The following TAOK1 variants were observed in gnomAD, a reference collection of about 807,000 sequenced individuals.
TAOK1 encodes serine/threonine-protein kinase TAO1.
A neutral mutation model predicts 138.3 loss-of-function variants in TAOK1; 21 were observed. That is an observed-to-expected ratio of 0.15 (90% CI 0.11 to 0.22). TAOK1 has a LOEUF of 0.22. TAOK1 is among the 10% of genes least tolerant of loss of function. The pLI is 1.00. For synonymous variants in TAOK1, 361 were observed against 398.4 expected, an observed-to-expected ratio of 0.91 and a Z score of 1.12; for missense variants, 651 against 1,227.7, an observed-to-expected ratio of 0.53 and a Z score of 7.02.
chr17:29,469,985 T>C (rs931365754), intron 3 of TAOK1, among the ~76,000 whole-genome samples: 1 of 152,234 alleles, frequency 6.6e-6, no homozygotes, highest in South Asian at 2.1e-4. Context: ...ATAGGAGGTA[T>C]ATGATCTTAA....
intron 19 of TAOK1, among the ~76,000 whole-genome samples, chr17:29,535,783 A>C (rs896903898): frequency 6.6e-6 from 1 of 152,052 alleles, no homozygotes; most frequent in African/African-American, 2.4e-5. Flanking sequence ...TGAGCCCAGG[A>C]GGTTGAGGCT....
At chr17:29,407,947 C>T (rs1429968406) in intron 1 of TAOK1, among the ~76,000 whole-genome samples, 2 of 152,106 alleles carry the variant, frequency 1.3e-5, no homozygotes, top group Non-Finnish European at 1.5e-5. Flanking sequence ...GCTGCAGCCT[C>T]GAACTCTTGG....
At chr17:29,399,385 G>T (rs1471169855) in intron 1 of TAOK1, among the ~76,000 whole-genome samples, 1 of 151,682 alleles carries the variant, frequency 6.6e-6, no homozygotes, top group African/African-American at 2.4e-5. Flanking sequence ...GCACAATCTC[G>T]GCTCGCTGCA....
At chr17:29,462,272 A>C (rs1005877919) in intron 2 of TAOK1, among the ~76,000 whole-genome samples, 4 of 152,226 alleles carry the variant, frequency 2.6e-5, no homozygotes, top group African/African-American at 9.6e-5. Context: ...TACCGTAGTG[A>C]GTATTTGAAA....
intron 1 of TAOK1, among the ~76,000 whole-genome samples, chr17:29,395,445 C>A (rs1598461687): frequency 1.3e-5 from 2 of 152,278 alleles, no homozygotes; most frequent in African/African-American, 4.8e-5. Flanking sequence ...GCAGGAGAAT[C>A]ACTTGAACCC....
At chr17:29,510,329 C>G (rs2031699072) in intron 14 of TAOK1, among the ~76,000 whole-genome samples, 1 of 152,026 alleles carries the variant, frequency 6.6e-6, no homozygotes. Context: ...GTGAGCCGAG[C>G]TCGTGCCACT....
chr17:29,503,270 C>A (rs1356739227), intron 13 of TAOK1, among the ~76,000 whole-genome samples: 1 of 151,824 alleles, frequency 6.6e-6, no homozygotes, highest in Non-Finnish European at 1.5e-5. Flanking sequence ...GTGGCAGGAG[C>A]CTGTAGTCCC....
chr17:29,500,730 ACTCTGT>A (rs2031507317), intron 12 of TAOK1, among the ~76,000 whole-genome samples: 1 of 149,166 alleles, frequency 6.7e-6, no homozygotes. Context: ...ACAGAATGAG[ACTCTGT>A]CTCAAAAAAA....
intron 12 of TAOK1, among the ~76,000 whole-genome samples, chr17:29,501,998 C>G (rs2031539475): frequency 6.6e-6 from 1 of 152,160 alleles, no homozygotes; most frequent in South Asian, 2.1e-4. Flanking sequence ...TGAGTGTTTA[C>G]CACTGCACTC....
chr17:29,441,401 C>T (rs1243195605), intron 1 of TAOK1, among the ~76,000 whole-genome samples: 1 of 152,118 alleles, frequency 6.6e-6, no homozygotes. Context: ...TTTCCTCTGA[C>T]AGTTTTCTGA....
intron 1 of TAOK1, among the ~76,000 whole-genome samples, chr17:29,442,607 T>G (rs2029974804): frequency 6.6e-6 from 1 of 152,216 alleles, no homozygotes; most frequent in Non-Finnish European, 1.5e-5. Context: ...TCTTCTTGAC[T>G]GTAATGTAAA....
At chr17:29,516,192 C>G (rs2031811245) in intron 15 of TAOK1, among the ~76,000 whole-genome samples, 2 of 152,042 alleles carry the variant, frequency 1.3e-5, no homozygotes, top group Non-Finnish European at 2.9e-5. Context: ...CGCTCCCAAC[C>G]TCAGGTGATC....
chr17:29,482,158 T>A lies in TAOK1; in HGVS notation c.564-39T>A, dbSNP rs76881935. ...CATTCTCAAAGGATAGAATACTTTT[T>A]AAAAAAAATCTTTAATTTAAATTAA... On this transcript the variant is annotated intron_variant, in intron 7 of 19. Transcript: ENST00000261716. 6.9e-3 allele frequency: 10,301 copies of A among 1,486,580 alleles called. 607 individuals are homozygous for A. The African/African-American group carries it at 0.13, about 18-fold the overall frequency. The allele number at this position is 1,486,580 out of a possible 1,614,324, so 92.1% of individuals were successfully genotyped here.
At chr17:29,438,536 G>T (rs947193981) in intron 1 of TAOK1, among the ~76,000 whole-genome samples, 2 of 152,140 alleles carry the variant, frequency 1.3e-5, no homozygotes, top group African/African-American at 4.8e-5. Flanking sequence ...ACAAAAATCA[G>T]TTGGGCGTGG....
intron 1 of TAOK1, chr17:29,403,957 TA>T (rs1380273357): frequency 6.6e-6 from 1 of 152,188 alleles, no homozygotes; most frequent in African/African-American, 2.4e-5. Context: ...ATGGAGTAAT[TA>T]AAAGATCATT....
At chr17:29,403,069 G>C (rs1904895245) in intron 1 of TAOK1, among the ~76,000 whole-genome samples, 1 of 147,102 alleles carries the variant, frequency 6.8e-6, no homozygotes, top group Non-Finnish European at 1.5e-5. Flanking sequence ...CCTGAGGCAG[G>C]AGAACTGCTT....
intron 15 of TAOK1, among the ~76,000 whole-genome samples, chr17:29,515,638 A>C (rs1024548949): frequency 1.3e-5 from 2 of 152,084 alleles, no homozygotes; most frequent in African/African-American, 2.4e-5. Flanking sequence ...GATCGAGACC[A>C]TACTGGCTAA....
chr17:29,547,124 T>C lies in TAOK1; in HGVS notation c.*4102T>C, dbSNP rs1242302213. On this transcript the variant is annotated 3_prime_UTR_variant, in exon 20 of 20. Coordinates refer to ENST00000261716, the MANE Select transcript of TAOK1 (RefSeq NM_020791.4). ...ACTGATGGTGATTCCTCTGCAAAGA[T>C]GATAAGAAAAAGAACCAATAAATCA... is the stretch of plus-strand genomic sequence containing the variant. 1 of 152,140 alleles carries C rather than the reference T, an allele frequency of 6.6e-6. No individual in the cohort carries two copies. Among genetic ancestry groups the C allele is most frequent in the Non-Finnish European group, 1.5e-5 (1 of 67,998 alleles). The allele number at this position is 152,140 out of a possible 1,614,324, so 9.4% of individuals were successfully genotyped here.
intron 15 of TAOK1, chr17:29,512,095 C>G (rs1358443631): frequency 7.5e-6 from 1 of 132,676 alleles, no homozygotes; most frequent in Non-Finnish European, 1.6e-5. Flanking sequence ...CTCTGTCATA[C>G]AGGCTGGAGT....
Sources: gnomAD v4.1 joint callset for allele counts (sites outside exome capture counted in the v4.1 genomes callset) on GRCh38, gnomAD v4.1.1 for gene constraint, MANE v1.5 for transcripts, NCBI Gene and HGNC (gene_info 2026-07-23, HGNC 2026-07-21) for gene names.